The following SCN1A variants were observed in gnomAD, a reference collection of about 807,000 sequenced individuals.
The protein encoded by SCN1A is sodium voltage-gated channel alpha subunit 1.
In SCN1A, 13 loss-of-function variants were observed where a neutral mutation model predicts 193.7. That is an observed-to-expected ratio of 0.07 (90% CI 0.04 to 0.11). SCN1A has a LOEUF of 0.11. Among genes scored for constraint, SCN1A ranks in the 10% least tolerant of loss-of-function variants. SCN1A has a pLI of 1.00. For synonymous variants in SCN1A, 781 were observed against 843.6 expected (o/e 0.93, Z 1.29); for missense variants, 1,432 against 2,451.1 (o/e 0.58, Z 8.78).
In SCN1A at chr2:166,036,479, G is replaced by A; in HGVS notation, c.2998C>T (p.Leu1000Phe). The A allele has an allele frequency of 6.2e-7, 1 of 1,612,106 alleles. No individual in the cohort carries two copies. ...LLLSSFSADN[L>F]AATDDDNEMN... ...TCATTATCATCATCAGTGGCTGCAA[G>A]GTTGTCTGCACTAAATGAGCTCAGA... Residue 1000 changes from leucine to phenylalanine, a missense_variant, in exon 19 of 29, where the codon CTT becomes TTT. Leu to Phe is a conservative substitution (Grantham distance 22). Around this residue, in one of 18 missense-constraint regions of SCN1A, gnomAD observed 13 missense variants for 20.6 expected, o/e 0.63. Transcript: ENST00000674923.
intron 12 of SCN1A, among the ~76,000 whole-genome samples, 189 bp downstream of exon 12, chr2:166,046,581 T>C (rs1380037404): frequency 6.6e-6 from 1 of 152,188 alleles, no homozygotes; most frequent in Admixed American, 6.5e-5. Flanking sequence ...GAGAGTTCTA[T>C]TGTGGTTATT....
chr2:166,031,969 T>C (rs1574145263), intron 19 of SCN1A, among the ~76,000 whole-genome samples: 1 of 152,130 alleles, frequency 6.6e-6, no homozygotes, highest in Middle Eastern at 3.4e-3. Context: ...TAAAAACAAA[T>C]ATTTAGTGTA....
intron 1 of SCN1A, among the ~76,000 whole-genome samples, chr2:166,148,654 T>C (rs75519645): frequency 0.037 from 5,651 of 152,200 alleles, 140 homozygotes; most frequent in South Asian, 0.048. Context: ...GGCATATATA[T>C]AACTCACTTA....
At chr2:166,093,152 C>T (rs1302918283) in intron 2 of SCN1A, among the ~76,000 whole-genome samples, 1 of 151,412 alleles carries the variant, frequency 6.6e-6, no homozygotes, top group African/African-American at 2.4e-5. Context: ...GATGAGGAAG[C>T]TATGTCTGGC....
chr2:166,046,957 T>C lies in SCN1A; in HGVS notation c.1190A>G (p.Lys397Arg). The C allele has an allele frequency of 1.2e-6, 2 of 1,613,850 alleles. No homozygotes were observed. Among genetic ancestry groups the C allele is most frequent in the Non-Finnish European group, 1.7e-6 (2 of 1,179,772 alleles). Residue 397 changes from lysine (K) to arginine (R), a missense_variant, in exon 12 of 29, where the codon AAA becomes AGA. By Grantham distance (26) the Lys-to-Arg change is conservative. This residue lies in a region of SCN1A where 58 missense variants were observed against 103.4 expected (regional missense o/e 0.56). Transcript: ENST00000674923. Reference protein sequence around the residue: ...LYQLTLRAAGKTYMIFFVLVI... With the variant: ...LYQLTLRAAGRTYMIFFVLVI... Reference sequence around the variant, plus strand: ...CAATACAAAAAATATCATGTACGTTTTCCCAGCAGCACGTAATGTCTGCAA... The same window carrying C: ...CAATACAAAAAATATCATGTACGTTCTCCCAGCAGCACGTAATGTCTGCAA...
At chr2:166,006,793 T>C (rs530895276) in intron 23 of SCN1A, among the ~76,000 whole-genome samples, 17 of 151,472 alleles carry the variant, frequency 1.1e-4, no homozygotes, top group African/African-American at 3.4e-4. Context: ...AATCAACTGA[T>C]GGTATCTAAC....
At chr2:166,146,771 A>G (rs78668657) in intron 1 of SCN1A, among the ~76,000 whole-genome samples, 5,653 of 152,320 alleles carry the variant, frequency 0.037, 138 homozygotes, top group South Asian at 0.048. Context: ...TTCCCATTAC[A>G]GTATTTAACT....
intron 2 of SCN1A, among the ~76,000 whole-genome samples, chr2:166,091,378 C>A (rs1686785053): frequency 6.6e-6 from 1 of 152,070 alleles, no homozygotes; most frequent in Non-Finnish European, 1.5e-5. Flanking sequence ...AATTTTAAAT[C>A]TTTTTAACTA....
intron 23 of SCN1A, among the ~76,000 whole-genome samples, chr2:166,004,051 G>A (rs1691312621): frequency 1.3e-5 from 2 of 151,530 alleles, no homozygotes; most frequent in South Asian, 4.1e-4. Context: ...ATTTGGTTGA[G>A]TTATCCAGGC....
chr2:166,105,516 T>C (rs959061647), intron 2 of SCN1A, among the ~76,000 whole-genome samples: 15 of 152,234 alleles, frequency 9.9e-5, no homozygotes, highest in Non-Finnish European at 1.8e-4. Flanking sequence ...TTTGACCATA[T>C]GAAAATAGTT....
chr2:166,017,837 A>G (rs1693505434), intron 19 of SCN1A, among the ~76,000 whole-genome samples: 2 of 152,014 alleles, frequency 1.3e-5, no homozygotes, highest in African/African-American at 4.8e-5. Flanking sequence ...TATATATATA[A>G]TTGTTATCTG....
Position 166,145,528 on chromosome 2 carries a change from T to TTGTGTG in SCN1A, c.-50+3513_-50+3518dup, listed in dbSNP as rs10659996. Among the ~76,000 whole-genome samples, 476 of 150,402 alleles carry TTGTGTG rather than the reference T, an allele frequency of 3.2e-3. 7 individuals are homozygous for TTGTGTG. The highest frequency in any genetic ancestry group is 0.011 in the Admixed American group (170 of 15,072). On this transcript the variant is annotated intron_variant, in intron 1 of 26. Coordinates refer to the SCN1A transcript ENST00000635750. ...GAATCTTTAACTGTTGGAGAAAAAT[T>TTGTGTG]TGTGTGTGTGTGTGTGTGTAGGCGC... is the stretch of plus-strand genomic sequence containing the variant.
chr2:166,050,765 C>T (rs1698465634), intron 9 of SCN1A, among the ~76,000 whole-genome samples: 1 of 150,200 alleles, frequency 6.7e-6, no homozygotes, highest in African/African-American at 2.4e-5. Flanking sequence ...AGGTGTGAGC[C>T]ACTGCACCCA....
chr2:165,989,893 C>T lies in SCN1A; in HGVS notation c.*1352G>A, dbSNP rs1291886150. 3 of 152,538 alleles carry T rather than the reference C, an allele frequency of 2.0e-5. No homozygotes were observed. Among genetic ancestry groups the T allele is most frequent in the Admixed American group, 6.6e-5 (1 of 15,256 alleles). 9.4% of individuals were successfully genotyped at this position (152,538 alleles called of 1,614,324 possible). On this transcript the variant is annotated 3_prime_UTR_variant, in exon 29 of 29. Transcript: ENST00000674923. The stretch of plus-strand genomic sequence containing the variant: ...GTGTGTTTTTTTAAACATGTCTGTA[C>T]AGTCTGGCTATATACCATATGTTAT...
intron 18 of SCN1A, among the ~76,000 whole-genome samples, chr2:166,037,244 C>G (rs1696503777): frequency 6.6e-6 from 1 of 152,170 alleles, no homozygotes; most frequent in South Asian, 2.1e-4. Flanking sequence ...CTCAGGTTGG[C>G]TAGTGCATCT....
intron 2 of SCN1A, among the ~76,000 whole-genome samples, chr2:166,094,844 T>C (rs1352633817): frequency 7.8e-6 from 1 of 128,186 alleles, no homozygotes. Context: ...GTGTAGTCTA[T>C]GGGATCTATC....
chr2:166,021,599 TA>T (rs1694076846), intron 19 of SCN1A, among the ~76,000 whole-genome samples: 2 of 152,144 alleles, frequency 1.3e-5, no homozygotes, highest in Non-Finnish European at 2.9e-5. Context: ...ATAGTAAGTT[TA>T]TAAAAACAAG....
intron 19 of SCN1A, among the ~76,000 whole-genome samples, chr2:166,028,942 T>A (rs547072169): frequency 3.3e-5 from 5 of 152,188 alleles, no homozygotes; most frequent in African/African-American, 1.2e-4. Flanking sequence ...CAGGGTAGAA[T>A]AAAGTGACAT....
In SCN1A at chr2:165,992,550, A is replaced by G. The variant is rs1689403921; in HGVS notation, c.4853-128T>C. 2 of 613,426 alleles carry G rather than the reference A, an allele frequency of 3.3e-6. No individual in the cohort carries two copies. The highest frequency in any genetic ancestry group is 5.3e-6 in the Non-Finnish European group (2 of 373,910). 38.0% of individuals were successfully genotyped at this position (613,426 alleles called of 1,614,324 possible). ...CAGTTATATTAAATATGACAACTAT[A>G]TATAATATATATATAATTGTACATA... On this transcript the variant is annotated intron_variant, in intron 28 of 28. Transcript: ENST00000674923. The surrounding 1 kb of genome is among the most constrained non-coding windows in gnomAD (Gnocchi z 6.5).
Sources: allele counts gnomAD v4.1 joint callset (sites outside exome capture counted in the v4.1 genomes callset), GRCh38; gene constraint gnomAD v4.1.1; regional missense constraint gnomAD v4.1.1; non-coding constraint Gnocchi (gnomAD v3.1); transcripts MANE v1.5; gene names NCBI Gene and HGNC (gene_info 2026-07-23, HGNC 2026-07-21).